LIMCH1: variants seen among roughly 807,000 people sequenced by gnomAD.
LIMCH1 encodes the protein LIM and calponin homology domains 1, also known as LIM and calponin homology domains-containing protein 1.
Under a neutral mutation model 176.5 loss-of-function variants are expected in LIMCH1, and 113 were observed. That is an observed-to-expected ratio of 0.64 (90% CI 0.55 to 0.75). The LOEUF is 0.75. Among genes scored for constraint, LIMCH1 ranks in the 30% least tolerant of loss-of-function variants. The probability of loss-of-function intolerance (pLI) is 0.00; values close to 1 mark genes in which losing one functional copy is unlikely to be tolerated. For missense variants in LIMCH1, 1,674 were observed against 1,814.9 expected (o/e 0.92, Z 1.41); for synonymous variants, 619 against 645.9 (o/e 0.96, Z 0.63).
intron 2 of LIMCH1, among the ~76,000 whole-genome samples, chr4:41,600,258 A>G (rs996335194): frequency 1.5e-4 from 23 of 152,232 alleles, no homozygotes; most frequent in African/African-American, 5.1e-4. Flanking sequence ...ACTAAACCTC[A>G]TCTTGGTCAT....
intron 1 of LIMCH1, among the ~76,000 whole-genome samples, chr4:41,445,896 G>T (rs1379270387): frequency 1.3e-5 from 2 of 152,128 alleles, no homozygotes; most frequent in Admixed American, 6.5e-5. Context: ...TTGGCTCTTT[G>T]TGGCTGAGAT....
intron 1 of LIMCH1, among the ~76,000 whole-genome samples, chr4:41,565,041 T>C (rs1286573326): frequency 6.6e-6 from 1 of 152,166 alleles, no homozygotes; most frequent in Non-Finnish European, 1.5e-5. Context: ...GGCAGTTCTT[T>C]ATAGCAGTGT....
At chr4:41,695,319 T>C (rs1729719879) in intron 31 of LIMCH1, among the ~76,000 whole-genome samples, 2 of 151,598 alleles carry the variant, frequency 1.3e-5, no homozygotes, top group South Asian at 4.1e-4. Flanking sequence ...AGATTTCTTC[T>C]AGAATTGTTT....
At chr4:41,417,920 A>G (rs2060086807) in intron 1 of LIMCH1, among the ~76,000 whole-genome samples, 1 of 152,254 alleles carries the variant, frequency 6.6e-6, no homozygotes, top group Non-Finnish European at 1.5e-5. Flanking sequence ...ATGATCATTC[A>G]CTTTGGAACT....
chr4:41,512,475 A>G (rs2075045248), intron 2 of LIMCH1, among the ~76,000 whole-genome samples: 1 of 152,230 alleles, frequency 6.6e-6, no homozygotes, highest in South Asian at 2.1e-4. Flanking sequence ...AGCATTATTC[A>G]TAATAGCCAA....
At chr4:41,670,823 T>G in intron 21 of LIMCH1, 1 of 1,534,844 alleles carries the variant, frequency 6.5e-7, no homozygotes, top group Non-Finnish European at 8.7e-7. Flanking sequence ...CTGTATTTCT[T>G]TTGTGCGAAA....
chr4:41,410,832 C>G lies in LIMCH1; in HGVS notation c.96+49896C>G, dbSNP rs142956427. ...GTGAAACCGTTTCTCTGATTTTTCT[C>G]TACACTTGACTTCCATCTCATTTTG... On this transcript the variant is annotated intron_variant, in intron 1 of 26. Transcript: ENST00000313860. 5.4e-3 allele frequency among the ~76,000 whole-genome samples: 828 copies of G among 152,290 alleles called. 12 individuals carry two copies. The highest frequency in any genetic ancestry group is 0.018 in the African/African-American group (762 of 41,546).
intron 13 of LIMCH1, among the ~76,000 whole-genome samples, chr4:41,637,868 A>G (rs1464768655): frequency 6.6e-6 from 1 of 152,258 alleles, no homozygotes; most frequent in Non-Finnish European, 1.5e-5. Context: ...AGAGATGTTT[A>G]GAAATTACCC....
rs376497560 is a variant in LIMCH1 at position 41,633,227 on chromosome 4, C to G, written c.1829+142C>G. ...GGAGTAAAGTCACTAAAAGAGTGTG[C>G]TCATCCCAAGATCAGAGTTCTGCTT... On this transcript the variant is annotated intron_variant, in intron 12 of 31. Coordinates refer to ENST00000503057, the MANE Select transcript of LIMCH1 (RefSeq NM_001330672.2). 4 of 669,722 alleles carry G rather than the reference C, an allele frequency of 6.0e-6. No homozygotes were observed. In the East Asian group the frequency reaches 1.1e-4, roughly 18 times the overall value. The allele number at this position is 669,722 out of a possible 1,614,324, so 41.5% of individuals were successfully genotyped here.
chr4:41,672,782 A>G (rs1343245939), intron 22 of LIMCH1, among the ~76,000 whole-genome samples: 1 of 152,194 alleles, frequency 6.6e-6, no homozygotes, highest in African/African-American at 2.4e-5. Flanking sequence ...CAACTGTGGC[A>G]TTGCCCATGA....
At chr4:41,556,395 CAAAAA>C (rs71198668) in intron 1 of LIMCH1, among the ~76,000 whole-genome samples, 10 of 83,942 alleles carry the variant, frequency 1.2e-4, no homozygotes, top group African/African-American at 3.9e-4. Flanking sequence ...AACTCTATCT[CAAAAA>C]AAAAAAAAAA....
chr4:41,612,656 A>C (rs1561917290), intron 4 of LIMCH1: 1 of 702,306 alleles, frequency 1.4e-6, no homozygotes, highest in Non-Finnish European at 2.6e-6. Context: ...GTGTTTTAGT[A>C]TGTGCTGCTT....
At chr4:41,647,643 C>T (rs2094120836) in intron 17 of LIMCH1, among the ~76,000 whole-genome samples, 1 of 152,236 alleles carries the variant, frequency 6.6e-6, no homozygotes, top group African/African-American at 2.4e-5. Flanking sequence ...TGTCCTTGCA[C>T]TCAATGAGTT....
chr4:41,484,936 T>G (rs1281119278), intron 1 of LIMCH1, among the ~76,000 whole-genome samples: 1 of 152,210 alleles, frequency 6.6e-6, no homozygotes, highest in East Asian at 1.9e-4. Flanking sequence ...CTAAAATACC[T>G]TTTATAAAAA....
In LIMCH1 at chr4:41,487,021, C is replaced by CAT. The variant is rs200803611; in HGVS notation, c.97-7506_97-7505dup. ...ACACACATATATATATACACACGTA[C>CAT]ATATATATATTGTATTTTTAGTAGA... On this transcript the variant is annotated intron_variant, in intron 1 of 26. Coordinates refer to the LIMCH1 transcript ENST00000313860. Among the ~76,000 whole-genome samples, 254 of 141,276 alleles carry CAT rather than the reference C, an allele frequency of 1.8e-3. 4 individuals carry two copies. In the East Asian group the frequency reaches 0.04, roughly 22 times the overall value. The allele number at this position is 141,276 out of a possible 152,430, so 92.7% of individuals were successfully genotyped here. A position where few individuals can be genotyped will look rare whatever the true frequency, so the allele number is the denominator to read the frequency against.
chr4:41,633,881 A>G (rs1367887903), intron 13 of LIMCH1, 73 bp downstream of exon 13: 2 of 1,453,742 alleles, frequency 1.4e-6, no homozygotes, highest in Non-Finnish European at 1.8e-6. Flanking sequence ...TTAATGCATT[A>G]TGGCACCTCA....
At chr4:41,461,724 A>T (rs2065392240) in intron 1 of LIMCH1, among the ~76,000 whole-genome samples, 1 of 152,200 alleles carries the variant, frequency 6.6e-6, no homozygotes, top group South Asian at 2.1e-4. Context: ...AGGCCTTAAA[A>T]TTTTTTTGAG....
Position 41,644,584 on chromosome 4 carries a change from G to C in LIMCH1, c.2211G>C (p.Leu737=). 6.2e-7 allele frequency: 1 copy of C among 1,611,892 alleles called. No homozygotes were observed. Among genetic ancestry groups the C allele is most frequent in the Non-Finnish European group, 8.5e-7 (1 of 1,179,200 alleles). Residue 737 remains leucine (L), a synonymous_variant, in exon 15 of 32, where the codon CTG becomes CTC. Transcript: ENST00000503057. ...GGGCCCGCCAGGAGCAGCTGCAGCT[G>C]ATAAATAACCAGCTGAGGGAAGAGG... ...HSRARQEQLQ[L]INNQLREEDD...
intron 2 of LIMCH1, among the ~76,000 whole-genome samples, chr4:41,515,564 C>T (rs539727566): frequency 1.4e-4 from 21 of 152,320 alleles, no homozygotes; most frequent in Non-Finnish European, 2.1e-4. Flanking sequence ...GTACACCGGG[C>T]CTGTGCCAAG....
Sources: gnomAD v4.1 joint callset for allele counts (sites outside exome capture counted in the v4.1 genomes callset) on GRCh38, gnomAD v4.1.1 for gene constraint, MANE v1.5 for transcripts, NCBI Gene and HGNC (gene_info 2026-07-23, HGNC 2026-07-21) for gene names.